The following TAFA5 variants were observed in gnomAD, a reference collection of about 807,000 sequenced individuals.
The protein encoded by TAFA5 is chemokine-like protein TAFA-5.
A neutral mutation model predicts 15.3 loss-of-function variants in TAFA5; 6 were observed. That is an observed-to-expected ratio of 0.39 (90% CI 0.21 to 0.77). The LOEUF (loss-of-function observed/expected upper bound fraction) is 0.77, where lower values mean the gene tolerates loss of function less well. TAFA5 is among the 30% of genes least tolerant of loss of function. The pLI, the probability that TAFA5 is intolerant of heterozygous loss-of-function variation, is 0.41. For synonymous variants in TAFA5, 103 were observed against 80.7 expected (o/e 1.28, Z -1.48); for missense variants, 161 against 193.1 (o/e 0.83, Z 0.98).
chr22:48,683,308 A>G (rs1928253342), intron 2 of TAFA5, among the ~76,000 whole-genome samples: 1 of 152,258 alleles, frequency 6.6e-6, no homozygotes, highest in South Asian at 2.1e-4. Flanking sequence ...GCTGGTTAAT[A>G]GCTTAACGCC....
intron 1 of TAFA5, among the ~76,000 whole-genome samples, chr22:48,609,099 T>C (rs1328085393): frequency 6.6e-6 from 1 of 152,138 alleles, no homozygotes; most frequent in Non-Finnish European, 1.5e-5. Flanking sequence ...TGTGGAGCGA[T>C]GGCCCTGGCA....
At chr22:48,512,010 A>G (rs1921233173) in intron 1 of TAFA5, among the ~76,000 whole-genome samples, 1 of 152,218 alleles carries the variant, frequency 6.6e-6, no homozygotes, top group Admixed American at 6.5e-5. Context: ...ACAGAGCTGC[A>G]GGGAGGGCCA....
intron 1 of TAFA5, among the ~76,000 whole-genome samples, chr22:48,603,160 C>T (rs930449050): frequency 2.6e-5 from 4 of 152,234 alleles, no homozygotes; most frequent in Admixed American, 2.0e-4. Context: ...GACAGGGTCG[C>T]CCCGGAAAAA....
chr22:48,585,511 A>T (rs1198164946), intron 1 of TAFA5, among the ~76,000 whole-genome samples: 1 of 151,208 alleles, frequency 6.6e-6, no homozygotes, highest in East Asian at 1.9e-4. Context: ...ACACCATACA[A>T]ACTAGATACC....
chr22:48,570,991 A>G (rs1484746262), intron 1 of TAFA5, among the ~76,000 whole-genome samples: 3 of 152,152 alleles, frequency 2.0e-5, no homozygotes, highest in Admixed American at 6.5e-5. Flanking sequence ...CCTTTATCCC[A>G]TATCTCCAAG....
chr22:48,706,974 G>T (rs1266388588), intron 2 of TAFA5, among the ~76,000 whole-genome samples: 1 of 152,216 alleles, frequency 6.6e-6, no homozygotes, highest in Non-Finnish European at 1.5e-5. Context: ...ATTCTCTCTG[G>T]CATGGGAGGA....
At chr22:48,693,277 A>G in intron 2 of TAFA5, 2 of 1,584,290 alleles carry the variant, frequency 1.3e-6, no homozygotes, top group Non-Finnish European at 1.7e-6. Context: ...TTTTCATCCC[A>G]TAATTCTGCT....
At chr22:48,562,077 T>C (rs1429558582) in intron 1 of TAFA5, among the ~76,000 whole-genome samples, 1 of 152,190 alleles carries the variant, frequency 6.6e-6, no homozygotes, top group African/African-American at 2.4e-5. Flanking sequence ...AGCACTGATT[T>C]GCAGCCATCT....
At chr22:48,494,696 A>T (rs1928265634) in intron 1 of TAFA5, among the ~76,000 whole-genome samples, 1 of 152,212 alleles carries the variant, frequency 6.6e-6, no homozygotes, top group African/African-American at 2.4e-5. Context: ...GCCCAGGAAC[A>T]GCAGCTCCAG....
rs537843057 is a variant in TAFA5, at chr22:48,645,033, G to A, written c.113-1564G>A. Among the ~76,000 whole-genome samples, 15 of 152,334 alleles carry A rather than the reference G, an allele frequency of 9.8e-5. No individual in the cohort carries two copies. The East Asian group carries it at 1.7e-3, about 18-fold the overall frequency. ...GAGGACACCAAATTCTTTTCTAACCGCCGTGGCCCCAGGGCCCTGCACAGA... is the reference window on the plus strand; with the variant it reads ...GAGGACACCAAATTCTTTTCTAACCACCGTGGCCCCAGGGCCCTGCACAGA... On this transcript the variant is annotated intron_variant, in intron 1 of 3. Coordinates refer to ENST00000402357, the MANE Select transcript of TAFA5 (RefSeq NM_001082967.3).
At chr22:48,518,966 A>G (rs930356578) in intron 1 of TAFA5, among the ~76,000 whole-genome samples, 12 of 152,254 alleles carry the variant, frequency 7.9e-5, no homozygotes, top group African/African-American at 2.9e-4. Context: ...CTGTCCGTCA[A>G]GAGCTGTCGG....
chr22:48,577,559 C>G (rs916711088), intron 1 of TAFA5, among the ~76,000 whole-genome samples: 1 of 152,192 alleles, frequency 6.6e-6, no homozygotes, highest in Non-Finnish European at 1.5e-5. Flanking sequence ...GCCTGTGTGG[C>G]TGGTAAGGCG....
intron 2 of TAFA5, among the ~76,000 whole-genome samples, chr22:48,668,429 G>A (rs199753995): frequency 2.8e-4 from 7 of 25,346 alleles, no homozygotes; most frequent in Admixed American, 1.0e-3. Flanking sequence ...TTCACTGGGA[G>A]CTGTAATCCC....
At chr22:48,660,318 G>A (rs752368468) in intron 2 of TAFA5, among the ~76,000 whole-genome samples, 22 of 152,328 alleles carry the variant, frequency 1.4e-4, no homozygotes, top group Admixed American at 2.6e-4. Flanking sequence ...GTTTGCTGAC[G>A]GTGGCTGGAT....
intron 1 of TAFA5, among the ~76,000 whole-genome samples, chr22:48,646,121 C>A (rs753181268): frequency 6.6e-5 from 10 of 152,172 alleles, no homozygotes; most frequent in Non-Finnish European, 1.2e-4. Context: ...TTTTGACAAG[C>A]CTGAGCGGGG....
rs1466388441 is a variant in TAFA5, at chr22:48,512,932, A to T, written c.112+23228A>T. On this transcript the variant is annotated intron_variant, in intron 1 of 3. Transcript: ENST00000402357. ...AGCGAGACTCTGTCTCAAAAAAAAA[A>T]AAAAAAAAAAAAGAGAGAGAGAGAG... Among the ~76,000 whole-genome samples, 414 of 148,010 alleles carry T rather than the reference A, an allele frequency of 2.8e-3. 5 individuals carry two copies. Among genetic ancestry groups the T allele is most frequent in the African/African-American group, 9.4e-3 (374 of 39,764 alleles).
chr22:48,519,359 C>T lies in TAFA5; in HGVS notation c.112+29655C>T, dbSNP rs1018836563. Among the ~76,000 whole-genome samples, 2 of 152,256 alleles carry T rather than the reference C, an allele frequency of 1.3e-5. 1 individual carries two copies. The highest frequency in any genetic ancestry group is 4.1e-4 in the South Asian group (2 of 4,838). On this transcript the variant is annotated intron_variant, in intron 1 of 3. Coordinates refer to ENST00000402357, the MANE Select transcript of TAFA5 (RefSeq NM_001082967.3). ...GAGCCTAATGCCCTAATCTGTTTATCGCGCAATCGCGTAGTCGCAGGGGCC... is the reference window on the plus strand; with the variant it reads ...GAGCCTAATGCCCTAATCTGTTTATTGCGCAATCGCGTAGTCGCAGGGGCC...
chr22:48,678,048 G>T (rs5771939), intron 2 of TAFA5, among the ~76,000 whole-genome samples: 3 of 151,940 alleles, frequency 2.0e-5, no homozygotes, highest in South Asian at 4.2e-4. Flanking sequence ...CCCCGCCCCC[G>T]TTGCTCTGTC....
chr22:48,726,822 G>A lies in TAFA5; in HGVS notation c.390+18978G>A, dbSNP rs561776706. On this transcript the variant is annotated intron_variant, in intron 3 of 3. Coordinates refer to ENST00000402357, the MANE Select transcript of TAFA5 (RefSeq NM_001082967.3). ...ACCTTCCCCCAAGCAGGCTCCACCT[G>A]GCACTCTTCATTCAACCCCGGATCT... Among the ~76,000 whole-genome samples the A allele has an allele frequency of 4.6e-5, 7 of 152,320 alleles. No individual in the cohort carries two copies. In the East Asian group the frequency reaches 1.2e-3, roughly 25 times the overall value.
Sources: gnomAD v4.1 joint callset for allele counts (sites outside exome capture counted in the v4.1 genomes callset) on GRCh38, gnomAD v4.1.1 for gene constraint, MANE v1.5 for transcripts, NCBI Gene and HGNC (gene_info 2026-07-23, HGNC 2026-07-21) for gene names.